The following ARHGAP32 variants were observed in gnomAD, a reference collection of about 807,000 sequenced individuals.
ARHGAP32 encodes the protein Rho GTPase activating protein 32.
In ARHGAP32, 51 loss-of-function variants were observed where a neutral mutation model predicts 186.5. That is an observed-to-expected ratio of 0.27 (90% CI 0.22 to 0.35). ARHGAP32 has a LOEUF of 0.35. Among genes scored for constraint, ARHGAP32 ranks in the 10% least tolerant of loss-of-function variants. ARHGAP32 has a pLI of 1.00. For synonymous variants in ARHGAP32, 950 were observed against 964.3 expected (o/e 0.99, Z 0.27); for missense variants, 2,186 against 2,623.5 (o/e 0.83, Z 3.64).
At chr11:129,271,887 G>C (rs1008095895) in intron 1 of ARHGAP32, among the ~76,000 whole-genome samples, 1 of 151,948 alleles carries the variant, frequency 6.6e-6, no homozygotes, top group South Asian at 2.1e-4. Flanking sequence ...TTTCATTGGA[G>C]TGCAATTAAA....
chr11:129,091,106 C>T (rs1263263386), intron 6 of ARHGAP32, among the ~76,000 whole-genome samples: 1 of 152,026 alleles, frequency 6.6e-6, no homozygotes, highest in Non-Finnish European at 1.5e-5. Context: ...TGTGGGCTCA[C>T]CACAGCATCA....
intron 1 of ARHGAP32, among the ~76,000 whole-genome samples, chr11:129,257,715 A>AC (rs1349443722): frequency 9.9e-6 from 1 of 100,868 alleles, no homozygotes; most frequent in Non-Finnish European, 2.1e-5. Flanking sequence ...CAAAAAAAAA[A>AC]AAAAAACAGA....
rs1942575976 is a variant in ARHGAP32, at chr11:129,123,232, A to T, written c.444+214T>A. Among the ~76,000 whole-genome samples, 1 of 152,006 alleles carries T rather than the reference A, an allele frequency of 6.6e-6. No homozygotes were observed. The highest frequency in any genetic ancestry group is 1.5e-5 in the Non-Finnish European group (1 of 67,958). ...AGGACTGATTTTCCTTAACTGATACATGTTAGTGTGATGGTTACTTTCATA... is the reference window on the plus strand; with the variant it reads ...AGGACTGATTTTCCTTAACTGATACTTGTTAGTGTGATGGTTACTTTCATA... On this transcript the variant is annotated intron_variant, in intron 5 of 22. Transcript: ENST00000682385. This position sits in a 1 kb window ranked among gnomAD's most constrained non-coding sequence, Gnocchi z 4.6.
intron 5 of ARHGAP32, among the ~76,000 whole-genome samples, chr11:129,116,182 G>A (rs1942364038): frequency 6.6e-6 from 1 of 152,118 alleles, no homozygotes; most frequent in East Asian, 1.9e-4. Flanking sequence ...GTTGTGGGAA[G>A]CCAACTTGTT....
chr11:129,146,765 C>A (rs1356500642), intron 2 of ARHGAP32, among the ~76,000 whole-genome samples: 1 of 151,730 alleles, frequency 6.6e-6, no homozygotes, highest in East Asian at 1.9e-4. Flanking sequence ...CCAAAATTTC[C>A]AGCTCCTTTT....
At chr11:129,038,076 G>A (rs528697708) in intron 11 of ARHGAP32, among the ~76,000 whole-genome samples, 1 of 152,018 alleles carries the variant, frequency 6.6e-6, no homozygotes, top group East Asian at 1.9e-4. Context: ...ACTCCAACCT[G>A]GGTGACAGAG....
chr11:128,981,330 G>A (rs1308146189), intron 17 of ARHGAP32, 86 bp downstream of exon 17: 3 of 1,410,874 alleles, frequency 2.1e-6, no homozygotes, highest in Non-Finnish European at 2.9e-6. Flanking sequence ...ACACGTTTTT[G>A]TTGTTGCAAT....
At chr11:129,013,238 CTG>C (rs369011580) in intron 11 of ARHGAP32, among the ~76,000 whole-genome samples, 15 of 152,330 alleles carry the variant, frequency 9.8e-5, no homozygotes, top group African/African-American at 2.9e-4. Context: ...CTCTGGGAAA[CTG>C]TGCTGACATA....
chr11:129,031,872 A>C (rs901404723), intron 11 of ARHGAP32, among the ~76,000 whole-genome samples: 1 of 152,204 alleles, frequency 6.6e-6, no homozygotes, highest in Non-Finnish European at 1.5e-5. Context: ...GCAGAGAATA[A>C]GAGAAGCAGC....
At chr11:129,210,274 A>G (rs1161705193) in intron 1 of ARHGAP32, among the ~76,000 whole-genome samples, 1 of 152,222 alleles carries the variant, frequency 6.6e-6, no homozygotes, top group East Asian at 1.9e-4. Context: ...AAAACAGTCT[A>G]TTCTGAAGTC....
At chr11:129,226,401 T>G (rs1168835980) in intron 1 of ARHGAP32, among the ~76,000 whole-genome samples, 1 of 152,140 alleles carries the variant, frequency 6.6e-6, no homozygotes, top group East Asian at 1.9e-4. Context: ...GGATCCTCCA[T>G]AAGATTAACA....
Position 129,123,329 on chromosome 11 carries a change from T to TAA in ARHGAP32, c.444+115_444+116dup, listed in dbSNP as rs145776868. The TAA allele has an allele frequency of 1.9e-3, 1,365 of 732,966 alleles. No individual in the cohort carries two copies. Among genetic ancestry groups the TAA allele is most frequent in the South Asian group, 3.9e-3 (179 of 46,294 alleles). The allele number at this position is 732,966 out of a possible 1,614,324, so 45.4% of individuals were successfully genotyped here. A position where few individuals can be genotyped will look rare whatever the true frequency, so the allele number is the denominator to read the frequency against. On this transcript the variant is annotated intron_variant, in intron 5 of 22. Coordinates refer to ENST00000682385, the MANE Select transcript of ARHGAP32 (RefSeq NM_001378024.1). The surrounding 1 kb of genome is among the most constrained non-coding windows in gnomAD (Gnocchi z 4.6). ...TTACCTCAACCAATAAGACATCAAT[T>TAA]AAAAAAAAAACTACTTCAAAGTGTC...
chr11:129,257,376 T>C (rs958125341), intron 1 of ARHGAP32, among the ~76,000 whole-genome samples: 3 of 152,104 alleles, frequency 2.0e-5, no homozygotes, highest in Admixed American at 1.3e-4. Context: ...TGTAGAAAAG[T>C]TCAGGTACTA....
At chr11:128,988,242 A>G (rs923076378) in intron 12 of ARHGAP32, 117 bp from the exon 13 acceptor site, 12 of 698,268 alleles carry the variant, frequency 1.7e-5, no homozygotes, top group African/African-American at 3.6e-5. Context: ...AATTAAAGTT[A>G]AAAGGAGCAA....
chr11:129,252,492 T>C (rs1406891657), intron 1 of ARHGAP32, among the ~76,000 whole-genome samples: 1 of 152,192 alleles, frequency 6.6e-6, no homozygotes, highest in East Asian at 1.9e-4. Context: ...GAATTAGCTC[T>C]TCTTCTTAAC....
intron 10 of ARHGAP32, among the ~76,000 whole-genome samples, chr11:129,048,880 CAT>C (rs1226202581): frequency 6.6e-6 from 1 of 151,544 alleles, no homozygotes; most frequent in Non-Finnish European, 1.5e-5. Context: ...TGGAAAGACA[CAT>C]AGAAAAAAAA....
At chr11:128,973,507 C>T in intron 21 of ARHGAP32, 75 bp from the exon 22 acceptor site, 1 of 1,474,458 alleles carries the variant, frequency 6.8e-7, no homozygotes, top group Non-Finnish European at 9.2e-7. Context: ...CCAAACACTC[C>T]CCATGTGATC....
chr11:129,058,682 T>C (rs1411245937), intron 10 of ARHGAP32, among the ~76,000 whole-genome samples: 1 of 152,230 alleles, frequency 6.6e-6, no homozygotes, highest in Non-Finnish European at 1.5e-5. Flanking sequence ...GCTCCATGGT[T>C]ACTTTTTCTT....
intron 1 of ARHGAP32, among the ~76,000 whole-genome samples, chr11:129,228,164 C>CT (rs1470309447): frequency 1.3e-5 from 2 of 152,076 alleles, no homozygotes; most frequent in African/African-American, 4.8e-5. Context: ...TAGGAAAATA[C>CT]TTTGAGACAA....
Sources: gnomAD v4.1 joint callset for allele counts (sites outside exome capture counted in the v4.1 genomes callset) on GRCh38, gnomAD v4.1.1 for gene constraint, Gnocchi (gnomAD v3.1) non-coding constraint, MANE v1.5 for transcripts, NCBI Gene and HGNC (gene_info 2026-07-23, HGNC 2026-07-21) for gene names.